The following CFAP95 variants were observed in gnomAD, a reference collection of about 807,000 sequenced individuals.
CFAP95 encodes cilia- and flagella-associated protein 95.
the CFAP95 span, chr9:69,844,534 C>A: frequency 1.3e-6 from 2 of 1,598,554 alleles, no homozygotes; most frequent in Non-Finnish European, 1.7e-6. Context: ...GACAGAGAAG[C>A]TTTTCCCAAA....
chr9:69,859,578 C>T, the CFAP95 span, among the ~76,000 whole-genome samples: 19 of 152,274 alleles, frequency 1.2e-4, no homozygotes, highest in Admixed American at 3.3e-4. Flanking sequence ...AGAGATGGGG[C>T]TCCGAGCCTG....
chr9:69,897,725 A>G, the CFAP95 span, among the ~76,000 whole-genome samples: 1 of 152,138 alleles, frequency 6.6e-6, no homozygotes, highest in Middle Eastern at 3.2e-3. Context: ...TAGAGCATAC[A>G]AGGGGCAATG....
the CFAP95 span, among the ~76,000 whole-genome samples, chr9:69,898,107 C>T: frequency 6.7e-6 from 1 of 149,504 alleles, no homozygotes; most frequent in African/African-American, 2.4e-5. Flanking sequence ...GGGACTCCCC[C>T]AACCCTTCAC....
At chr9:69,844,209 C>T in the CFAP95 span, among the ~76,000 whole-genome samples, 1 of 152,126 alleles carries the variant, frequency 6.6e-6, no homozygotes, top group Non-Finnish European at 1.5e-5. Context: ...TTAGAACTTA[C>T]TGTTGGTAAA....
the CFAP95 span, among the ~76,000 whole-genome samples, chr9:69,899,171 G>A: frequency 6.6e-6 from 1 of 152,234 alleles, no homozygotes; most frequent in Admixed American, 6.5e-5. Context: ...ACAACTCTGT[G>A]TGTGTAGCAC....
At chr9:69,839,508 C>T in the CFAP95 span, among the ~76,000 whole-genome samples, 1 of 152,068 alleles carries the variant, frequency 6.6e-6, no homozygotes. Flanking sequence ...CTAACTGCAA[C>T]CTCTGCTTCC....
the CFAP95 span, among the ~76,000 whole-genome samples, chr9:69,845,555 T>C: frequency 6.6e-6 from 1 of 152,224 alleles, no homozygotes; most frequent in Non-Finnish European, 1.5e-5. Context: ...TTCTCCATTC[T>C]GCAAGGTAAT....
At chr9:69,888,523 A>G in the CFAP95 span, among the ~76,000 whole-genome samples, 2 of 152,222 alleles carry the variant, frequency 1.3e-5, no homozygotes, top group African/African-American at 2.4e-5. Flanking sequence ...ATACTAAACA[A>G]TATGAATTAA....
chr9:69,901,018 C>T, the CFAP95 span, among the ~76,000 whole-genome samples: 14,667 of 152,156 alleles, frequency 0.096, 827 homozygotes, highest in Admixed American at 0.14. Flanking sequence ...CTCCCGCCTC[C>T]CTCCACTCCA....
chr9:69,840,587 C>G, the CFAP95 span, among the ~76,000 whole-genome samples: 1 of 152,096 alleles, frequency 6.6e-6, no homozygotes, highest in Non-Finnish European at 1.5e-5. Context: ...AATTCAGTCT[C>G]CTGTTTCCTT....
chr9:69,854,176 A>G, the CFAP95 span, among the ~76,000 whole-genome samples: 4 of 152,190 alleles, frequency 2.6e-5, no homozygotes, highest in African/African-American at 9.7e-5. Flanking sequence ...CTTCTCTTTA[A>G]TTCTTGGCTC....
the CFAP95 span, among the ~76,000 whole-genome samples, chr9:69,853,801 T>G: frequency 1.3e-5 from 2 of 152,210 alleles, no homozygotes; most frequent in African/African-American, 2.4e-5. Context: ...AAGTTCTATG[T>G]ATTGTCAGAG....
At chr9:69,832,418 G>T in the CFAP95 span, among the ~76,000 whole-genome samples, 51 of 152,210 alleles carry the variant, frequency 3.4e-4, no homozygotes, top group Non-Finnish European at 6.5e-4. Context: ...AGTGTGGCGC[G>T]TGTAATGTGG....
At chr9:69,870,025 AG>A in the CFAP95 span, among the ~76,000 whole-genome samples, 3 of 152,214 alleles carry the variant, frequency 2.0e-5, no homozygotes, top group Non-Finnish European at 4.4e-5. Context: ...CCAGAATTTC[AG>A]AAGTCTTTGC....
At chr9:69,848,347 G>A in the CFAP95 span, among the ~76,000 whole-genome samples, 1 of 152,290 alleles carries the variant, frequency 6.6e-6, no homozygotes, top group Non-Finnish European at 1.5e-5. Flanking sequence ...TTTGTAGAAG[G>A]AAAAGAAGGA....
chr9:69,874,750 C>T, the CFAP95 span, among the ~76,000 whole-genome samples: 2 of 152,136 alleles, frequency 1.3e-5, no homozygotes, highest in Non-Finnish European at 2.9e-5. Context: ...AAGGAAATCC[C>T]AAAGAGGGCC....
the CFAP95 span, among the ~76,000 whole-genome samples, chr9:69,825,953 T>G: frequency 6.6e-6 from 1 of 152,194 alleles, no homozygotes; most frequent in Non-Finnish European, 1.5e-5. Flanking sequence ...TTTAATTACT[T>G]TTCTTCCCTG....
chr9:69,831,959 A>G, the CFAP95 span, among the ~76,000 whole-genome samples: 1 of 152,182 alleles, frequency 6.6e-6, no homozygotes, highest in East Asian at 1.9e-4. Flanking sequence ...ATATCCATAA[A>G]CTATAAGAAC....
chr9:69,839,945 C>A, the CFAP95 span, among the ~76,000 whole-genome samples: 1 of 151,372 alleles, frequency 6.6e-6, no homozygotes, highest in Non-Finnish European at 1.5e-5. Context: ...GGCACGGTGG[C>A]GTGTGCCTGT....
Sources: gnomAD v4.1 joint callset for allele counts (sites outside exome capture counted in the v4.1 genomes callset) on GRCh38, gnomAD v4.1.1 for gene constraint, MANE v1.5 for transcripts, NCBI Gene and HGNC (gene_info 2026-07-23, HGNC 2026-07-21) for gene names.